The following SNTG1 variants were observed in gnomAD, a reference collection of about 807,000 sequenced individuals.
The protein encoded by SNTG1 is syntrophin gamma 1, also known as gamma-1-syntrophin.
SNTG1 carries 39 observed loss-of-function variants against 74.7 expected under a neutral mutation model. The ratio of observed to expected loss-of-function variants is 0.52; its 90% CI spans 0.40 to 0.68. The LOEUF (loss-of-function observed/expected upper bound fraction) is 0.68, where lower values mean the gene tolerates loss of function less well. Ranked by LOEUF, SNTG1 falls within the 30% of genes least tolerant of loss-of-function variation. SNTG1 has a pLI of 0.00. For synonymous variants in SNTG1, 254 were observed against 217.1 expected, an observed-to-expected ratio of 1.17 and a Z score of -1.49; for missense variants, 685 against 609.5, an observed-to-expected ratio of 1.12 and a Z score of -1.30.
At chr8:50,785,210 A>T (rs1585793574) in intron 18 of SNTG1, among the ~76,000 whole-genome samples, 2 of 152,136 alleles carry the variant, frequency 1.3e-5, no homozygotes, top group South Asian at 4.1e-4. Flanking sequence ...ATATATAAAA[A>T]AAGAATACAT....
rs191804520 is a variant in SNTG1, at chr8:50,300,159, T to C, written c.-27-94053T>C. 9.7e-4 allele frequency among the ~76,000 whole-genome samples: 148 copies of C among 152,282 alleles called. 2 individuals are homozygous for C. Among genetic ancestry groups the C allele is most frequent in the Non-Finnish European group, 5.9e-4 (40 of 67,998 alleles). The stretch of plus-strand genomic sequence containing the variant: ...TTGCTCAGTTAGTAGCTAACTTTTG[T>C]CAAATTTATTGTAATTTTCCCTAAT... On this transcript the variant is annotated intron_variant, in intron 2 of 18. Coordinates refer to ENST00000642720, the MANE Select transcript of SNTG1 (RefSeq NM_018967.5).
At chr8:49,953,849 G>T (rs1323282051) in intron 1 of SNTG1, among the ~76,000 whole-genome samples, 1 of 152,018 alleles carries the variant, frequency 6.6e-6, no homozygotes, top group East Asian at 1.9e-4. Flanking sequence ...CTGTGAAAAA[G>T]GTACTATTTC....
intron 1 of SNTG1, among the ~76,000 whole-genome samples, chr8:50,052,896 C>A (rs544376563): frequency 6.6e-6 from 1 of 152,098 alleles, no homozygotes; most frequent in East Asian, 1.9e-4. Flanking sequence ...TGGCCATTGC[C>A]AGAAAACAGA....
intron 8 of SNTG1, among the ~76,000 whole-genome samples, chr8:50,482,068 T>A (rs1481318374): frequency 2.0e-5 from 3 of 152,184 alleles, no homozygotes; most frequent in African/African-American, 7.2e-5. Context: ...AGTCCAGTGA[T>A]CTGACAAATT....
chr8:50,037,120 C>T (rs1006701566), intron 1 of SNTG1, among the ~76,000 whole-genome samples: 2 of 152,196 alleles, frequency 1.3e-5, no homozygotes, highest in African/African-American at 4.8e-5. Context: ...CTGGCTTGCA[C>T]AGTCAGTGAA....
chr8:50,767,674 A>G (rs1261302921), intron 18 of SNTG1, among the ~76,000 whole-genome samples: 1 of 151,942 alleles, frequency 6.6e-6, no homozygotes, highest in Non-Finnish European at 1.5e-5. Context: ...TTCTATATAT[A>G]ATATTCATTT....
At chr8:50,002,087 A>G (rs975274186) in intron 1 of SNTG1, among the ~76,000 whole-genome samples, 5 of 152,200 alleles carry the variant, frequency 3.3e-5, no homozygotes, top group Non-Finnish European at 7.3e-5. Flanking sequence ...ATATTTCATA[A>G]TATTTAAAAG....
chr8:50,536,082 G>C (rs1469142088), intron 10 of SNTG1, among the ~76,000 whole-genome samples: 1 of 152,122 alleles, frequency 6.6e-6, no homozygotes, highest in Non-Finnish European at 1.5e-5. Flanking sequence ...TTTTAAGCCA[G>C]CAGTAGTTGC....
chr8:50,468,225 C>T (rs1305897254), intron 8 of SNTG1, among the ~76,000 whole-genome samples: 2 of 151,876 alleles, frequency 1.3e-5, no homozygotes, highest in Non-Finnish European at 1.5e-5. Context: ...GAAAAAATGC[C>T]ATTATAGGCT....
intron 2 of SNTG1, among the ~76,000 whole-genome samples, chr8:50,369,596 C>T (rs1047593306): frequency 5.9e-5 from 7 of 117,924 alleles, no homozygotes; most frequent in African/African-American, 2.4e-4. Context: ...AACTCCGTCC[C>T]AAAAAGAAAA....
intron 13 of SNTG1, among the ~76,000 whole-genome samples, chr8:50,617,615 CA>C (rs2094893659): frequency 6.6e-6 from 1 of 152,134 alleles, no homozygotes; most frequent in Non-Finnish European, 1.5e-5. Flanking sequence ...GGGGCATCGG[CA>C]AGACTCCTGT....
intron 8 of SNTG1, among the ~76,000 whole-genome samples, chr8:50,502,442 A>T (rs1252103116): frequency 6.6e-6 from 1 of 152,228 alleles, no homozygotes; most frequent in Non-Finnish European, 1.5e-5. Flanking sequence ...ATTTACCAAT[A>T]AATACAGTGA....
chr8:50,534,200 G>A (rs1433272546), intron 10 of SNTG1, among the ~76,000 whole-genome samples: 1 of 152,174 alleles, frequency 6.6e-6, no homozygotes, highest in Non-Finnish European at 1.5e-5. Context: ...AAAGGTGTTA[G>A]TCTGAGTGAA....
At chr8:50,581,279 C>T (rs192665530) in intron 12 of SNTG1, among the ~76,000 whole-genome samples, 36 of 152,184 alleles carry the variant, frequency 2.4e-4, no homozygotes, top group Admixed American at 2.2e-3. Flanking sequence ...CAGAAGTCAC[C>T]AGTGATAAGG....
At chr8:50,618,195 C>T (rs1487803723) in intron 13 of SNTG1, among the ~76,000 whole-genome samples, 1 of 152,108 alleles carries the variant, frequency 6.6e-6, no homozygotes, top group Non-Finnish European at 1.5e-5. Context: ...GAGAAACAAC[C>T]AGTACCACTA....
intron 2 of SNTG1, among the ~76,000 whole-genome samples, chr8:50,332,639 T>C (rs2091009275): frequency 6.6e-6 from 1 of 152,216 alleles, no homozygotes; most frequent in South Asian, 2.1e-4. Context: ...CACCATCTTA[T>C]ATAGATAATG....
intron 8 of SNTG1, among the ~76,000 whole-genome samples, chr8:50,483,473 C>A (rs2093757549): frequency 6.6e-6 from 1 of 152,028 alleles, no homozygotes; most frequent in Non-Finnish European, 1.5e-5. Context: ...GTGTTTCTCC[C>A]TATGCAGGCT....
chr8:50,307,992 T>A (rs10504101), intron 2 of SNTG1, among the ~76,000 whole-genome samples: 3 of 151,908 alleles, frequency 2.0e-5, no homozygotes, highest in African/African-American at 7.3e-5. Flanking sequence ...ACTCCTTCAA[T>A]GAAAATATAT....
At chr8:50,477,319 A>G (rs1255781983) in intron 8 of SNTG1, among the ~76,000 whole-genome samples, 1 of 152,178 alleles carries the variant, frequency 6.6e-6, no homozygotes, top group East Asian at 1.9e-4. Context: ...AGTCCTATCA[A>G]TAGCATGTAC....
Sources: allele counts gnomAD v4.1 joint callset (sites outside exome capture counted in the v4.1 genomes callset), GRCh38; gene constraint gnomAD v4.1.1; transcripts MANE v1.5; gene names NCBI Gene and HGNC (gene_info 2026-07-23, HGNC 2026-07-21).